Variants in KIAA0825 observed in about 807,000 individuals in gnomAD.
KIAA0825 encodes the protein KIAA0825, also known as uncharacterized protein KIAA0825.
KIAA0825 carries 119 observed loss-of-function variants against 147.6 expected under a neutral mutation model. The observed-to-expected ratio is 0.81, with a 90% confidence interval of 0.69 to 0.94. The LOEUF (loss-of-function observed/expected upper bound fraction) is 0.94, where lower values mean the gene tolerates loss of function less well. Among genes scored for constraint, KIAA0825 ranks in the 40% least tolerant of loss-of-function variants. KIAA0825 has a pLI of 0.00. For synonymous variants in KIAA0825, 470 were observed against 518.1 expected, an observed-to-expected ratio of 0.91 and a Z score of 1.26; for missense variants, 1,381 against 1,472.7, an observed-to-expected ratio of 0.94 and a Z score of 1.02.
At chr5:94,292,793 G>C (rs146549504) in intron 20 of KIAA0825, among the ~76,000 whole-genome samples, 251 of 152,242 alleles carry the variant, frequency 1.6e-3, no homozygotes, top group African/African-American at 5.9e-3. Context: ...TTCAGAACTT[G>C]TTATTGGTCT....
At chr5:94,552,659 T>C (rs796198394) in intron 2 of KIAA0825, among the ~76,000 whole-genome samples, 5 of 152,208 alleles carry the variant, frequency 3.3e-5, no homozygotes, top group African/African-American at 1.2e-4. Flanking sequence ...GAATGACCAA[T>C]GGGTGAAGAA....
At chr5:94,451,315 T>TC (rs1249683298) in intron 13 of KIAA0825, among the ~76,000 whole-genome samples, 3 of 152,236 alleles carry the variant, frequency 2.0e-5, no homozygotes, top group Non-Finnish European at 4.4e-5. Flanking sequence ...TTCCATTTTT[T>TC]CTCTTACAAA....
chr5:94,400,508 T>C (rs1278055575), intron 16 of KIAA0825, among the ~76,000 whole-genome samples: 2 of 152,162 alleles, frequency 1.3e-5, no homozygotes, highest in East Asian at 1.9e-4. Flanking sequence ...TCCTAAATGC[T>C]GCTTGCTATT....
chr5:94,275,435 T>G (rs937994673), intron 20 of KIAA0825, among the ~76,000 whole-genome samples: 7 of 152,184 alleles, frequency 4.6e-5, no homozygotes, highest in African/African-American at 1.4e-4. Context: ...AGATAGCCTA[T>G]ATTATCTTGT....
intron 15 of KIAA0825, chr5:94,415,559 C>T (rs1170219590): frequency 6.6e-6 from 1 of 151,748 alleles, no homozygotes; most frequent in African/African-American, 2.4e-5. Context: ...AACTTCAGAC[C>T]CTCATAACCA....
At chr5:94,251,820 C>A (rs984062915) in intron 20 of KIAA0825, among the ~76,000 whole-genome samples, 3 of 151,912 alleles carry the variant, frequency 2.0e-5, no homozygotes, top group Non-Finnish European at 4.4e-5. Flanking sequence ...AAGATGCAGG[C>A]CAACTCGACA....
At chr5:94,440,857 A>G (rs1756991931) in intron 13 of KIAA0825, among the ~76,000 whole-genome samples, 1 of 152,104 alleles carries the variant, frequency 6.6e-6, no homozygotes, top group African/African-American at 2.4e-5. Flanking sequence ...CCCTTCTAAA[A>G]TCTAGAAACC....
intron 20 of KIAA0825, among the ~76,000 whole-genome samples, chr5:94,172,794 C>G (rs773282641): frequency 6.6e-6 from 1 of 152,028 alleles, no homozygotes; most frequent in South Asian, 2.1e-4. Context: ...ATTTTAGAGC[C>G]AGGTTAGATT....
At chr5:94,266,907 T>C (rs900804212) in intron 20 of KIAA0825, among the ~76,000 whole-genome samples, 10 of 152,180 alleles carry the variant, frequency 6.6e-5, no homozygotes, top group African/African-American at 2.4e-4. Context: ...TTTTTAAGAA[T>C]ATATAAGAGT....
chr5:94,434,159 C>T (rs2150805807), intron 14 of KIAA0825, among the ~76,000 whole-genome samples: 2 of 152,340 alleles, frequency 1.3e-5, no homozygotes, highest in South Asian at 4.1e-4. Context: ...CTCCTGCCAA[C>T]TGAACTGTAC....
At chr5:94,338,963 C>A (rs983651470) in intron 20 of KIAA0825, among the ~76,000 whole-genome samples, 4 of 152,044 alleles carry the variant, frequency 2.6e-5, no homozygotes, top group African/African-American at 9.7e-5. Flanking sequence ...TAAATAAATA[C>A]TATTCAAATT....
chr5:94,500,348 T>C (rs1370095477), intron 5 of KIAA0825, among the ~76,000 whole-genome samples: 1 of 152,118 alleles, frequency 6.6e-6, no homozygotes, highest in Non-Finnish European at 1.5e-5. Flanking sequence ...TGAGAGATGA[T>C]AAAGCACTAA....
intron 2 of KIAA0825, among the ~76,000 whole-genome samples, 157 bp from the exon 3 acceptor site, chr5:94,537,284 T>A (rs1477018328): frequency 6.6e-6 from 1 of 152,170 alleles, no homozygotes; most frequent in Non-Finnish European, 1.5e-5. Context: ...AACTAGGGTA[T>A]TATAAAGCTA....
At chr5:94,385,273 A>C (rs1748983352) in intron 19 of KIAA0825, among the ~76,000 whole-genome samples, 2 of 152,220 alleles carry the variant, frequency 1.3e-5, no homozygotes, top group South Asian at 4.1e-4. Flanking sequence ...CTGACGTTTA[A>C]AATCCAACAA....
rs17376870 is a variant in KIAA0825, at chr5:94,245,704, G to A, written c.3711-91580C>T. On this transcript the variant is annotated intron_variant, in intron 20 of 20. Coordinates refer to ENST00000682413, the MANE Select transcript of KIAA0825 (RefSeq NM_001145678.3). The stretch of plus-strand genomic sequence containing the variant: ...CTCTATGAGCATGATACAAAGACAG[G>A]AAATTCAAAACTTAATATGACTGAT... 3.7e-3 allele frequency among the ~76,000 whole-genome samples: 560 copies of A among 152,148 alleles called. 3 individuals carry two copies. Among genetic ancestry groups the A allele is most frequent in the Middle Eastern group, 6.8e-3 (2 of 294 alleles).
At chr5:94,205,299 A>ATATATATATATATATATATATT (rs1254935243) in intron 20 of KIAA0825, among the ~76,000 whole-genome samples, 20 of 137,880 alleles carry the variant, frequency 1.5e-4, no homozygotes, top group African/African-American at 5.3e-4. Context: ...ATATATATAT[A>ATATATATATATATATATATATT]TTTTGTTTTG....
intron 1 of KIAA0825, among the ~76,000 whole-genome samples, chr5:94,609,180 C>T (rs1470580886): frequency 6.6e-6 from 1 of 152,148 alleles, no homozygotes; most frequent in Non-Finnish European, 1.5e-5. Context: ...TTTCCAACTA[C>T]ATACATGTGT....
chr5:94,575,695 A>G (rs1000850294), intron 2 of KIAA0825, among the ~76,000 whole-genome samples: 1 of 152,238 alleles, frequency 6.6e-6, no homozygotes, highest in African/African-American at 2.4e-5. Context: ...AGAGGTGGAC[A>G]TTGTCCATGC....
chr5:94,379,612 A>G (rs1748085523), intron 20 of KIAA0825, among the ~76,000 whole-genome samples: 1 of 152,042 alleles, frequency 6.6e-6, no homozygotes, highest in Non-Finnish European at 1.5e-5. Flanking sequence ...GAATTTTAAA[A>G]TAACTAATTC....
Sources: allele counts gnomAD v4.1 joint callset (sites outside exome capture counted in the v4.1 genomes callset), GRCh38; gene constraint gnomAD v4.1.1; transcripts MANE v1.5; gene names NCBI Gene and HGNC (gene_info 2026-07-23, HGNC 2026-07-21).